Variants in SEC14L5 observed in about 807,000 individuals in gnomAD.
The protein encoded by SEC14L5 is SEC14-like protein 5.
In SEC14L5, 96 loss-of-function variants were observed where a neutral mutation model predicts 84.6. The observed-to-expected ratio is 1.13, with a 90% CI of 0.96 to 1.34. SEC14L5 has a LOEUF of 1.34. SEC14L5 is among the 40% of genes most tolerant of loss of function. The pLI, the probability that SEC14L5 is intolerant of heterozygous loss-of-function variation, is 0.00. For synonymous variants in SEC14L5, 546 were observed against 383.4 expected, an observed-to-expected ratio of 1.42 and a Z score of -4.95; for missense variants, 1,224 against 942.5, an observed-to-expected ratio of 1.30 and a Z score of -3.91.
chr16:4,959,332 A>T lies in SEC14L5; in HGVS notation c.9A>T (p.Gln3His). Residue 3 changes from glutamine to histidine, a missense_variant, in exon 2 of 16, where the codon CAA becomes CAT. By Grantham distance (24) the Gln-to-His change is conservative (BLOSUM62 0). Coordinates refer to ENST00000251170, the MANE Select transcript of SEC14L5 (RefSeq NM_014692.2). ...GGTGCTCCAGCGTGAACATGGTGCA[A>T]AGATACCAGTCTCCTGTCCGAGTCT... is the stretch of plus-strand genomic sequence containing the variant. MV[Q>H]RYQSPVRVYK... is the part of the protein sequence containing the mutation. 1 of 1,613,716 alleles carries T rather than the reference A, an allele frequency of 6.2e-7. No homozygotes were observed. Among genetic ancestry groups the T allele is most frequent in the Non-Finnish European group, 8.5e-7 (1 of 1,179,706 alleles).
intron 6 of SEC14L5, among the ~76,000 whole-genome samples, chr16:4,992,946 A>G (rs1434124976): frequency 6.6e-6 from 1 of 152,086 alleles, no homozygotes; most frequent in East Asian, 1.9e-4. Context: ...TTTTTCACTT[A>G]CTAATGTTGC....
chr16:4,999,266 G>A (rs908095471), intron 8 of SEC14L5, among the ~76,000 whole-genome samples: 3 of 152,172 alleles, frequency 2.0e-5, no homozygotes, highest in Non-Finnish European at 2.9e-5. Context: ...TGCTGGCCGT[G>A]AGTTCAATGC....
chr16:5,012,138 A>G (rs1249881192), intron 15 of SEC14L5, among the ~76,000 whole-genome samples: 2 of 152,162 alleles, frequency 1.3e-5, no homozygotes, highest in African/African-American at 2.4e-5. Flanking sequence ...CAGAGTCTTT[A>G]TCCAAGGAGG....
chr16:4,972,687 A>G (rs1596617012), intron 2 of SEC14L5, among the ~76,000 whole-genome samples: 5 of 152,344 alleles, frequency 3.3e-5, no homozygotes, highest in Admixed American at 3.3e-4. Flanking sequence ...TTAAAGCTGA[A>G]GAATACGTCA....
rs1312134066 is a variant in SEC14L5, at chr16:4,987,786, C to T, written c.213+80C>T. ...GAGGGCTGGGCGCGGGAGCTGGGGACCAGGGCGGCGGGGTCCAGGAGGTGG... is the reference window on the plus strand; with the variant it reads ...GAGGGCTGGGCGCGGGAGCTGGGGATCAGGGCGGCGGGGTCCAGGAGGTGG... On this transcript the variant is annotated intron_variant, in intron 3 of 15. Coordinates refer to ENST00000251170, the MANE Select transcript of SEC14L5 (RefSeq NM_014692.2). 5.3e-6 allele frequency: 6 copies of T among 1,142,614 alleles called. No individual in the cohort carries two copies. The African/African-American group carries it at 6.5e-5, about 12-fold the overall frequency. The allele number at this position is 1,142,614 out of a possible 1,614,324, so 70.8% of individuals were successfully genotyped here.
intron 2 of SEC14L5, among the ~76,000 whole-genome samples, chr16:4,979,776 C>G (rs1407622705): frequency 1.3e-5 from 2 of 152,126 alleles, no homozygotes; most frequent in African/African-American, 4.8e-5. Context: ...AAGCAGCAGA[C>G]AGAACCTGAG....
intron 6 of SEC14L5, among the ~76,000 whole-genome samples, chr16:4,994,546 G>T (rs970901674): frequency 6.6e-6 from 1 of 152,088 alleles, no homozygotes; most frequent in East Asian, 1.9e-4. Context: ...GTTTCACCAT[G>T]TTGGCCATGC....
chr16:4,998,818 C>T (rs886101475), intron 8 of SEC14L5, among the ~76,000 whole-genome samples: 7 of 151,520 alleles, frequency 4.6e-5, no homozygotes, highest in Admixed American at 2.0e-4. Flanking sequence ...CCTAAAGAAC[C>T]GGCTGGCATG....
rs945909533 is a variant in SEC14L5, at chr16:5,007,362, C to T, written c.1448C>T (p.Pro483Leu). The T allele has an allele frequency of 1.2e-6, 2 of 1,613,656 alleles. No individual in the cohort carries two copies. The highest frequency in any genetic ancestry group is 2.7e-5 in the African/African-American group (2 of 74,902). ...ATCTCTGACCTGCAGTGTAATGTCCCCGAAGGAGGGCTGGTCCCCAAGTCC... is the reference window on the plus strand; with the variant it reads ...ATCTCTGACCTGCAGTGTAATGTCCTCGAAGGAGGGCTGGTCCCCAAGTCC... Reference protein sequence around the residue: ...FLGGESVCNVPEGGLVPKSLY... With the variant: ...FLGGESVCNVLEGGLVPKSLY... Residue 483 changes from proline to leucine, a missense_variant, in exon 13 of 16, where the codon CCC becomes CTC. By Grantham distance (98) the Pro-to-Leu change is moderately conservative. Coordinates refer to ENST00000251170, the MANE Select transcript of SEC14L5 (RefSeq NM_014692.2).
intron 11 of SEC14L5, among the ~76,000 whole-genome samples, chr16:5,003,822 C>G (rs953164190): frequency 1.3e-5 from 2 of 152,234 alleles, no homozygotes; most frequent in African/African-American, 4.8e-5. Context: ...AAAAAGAACC[C>G]CCATGCCCAT....
At chr16:4,990,414 TG>T (rs1037899780) in intron 4 of SEC14L5, among the ~76,000 whole-genome samples, 62 of 152,364 alleles carry the variant, frequency 4.1e-4, no homozygotes, top group African/African-American at 1.4e-3. Context: ...TCGCCCACCT[TG>T]GGCTCCCAAA....
chr16:5,004,612 C>T (rs942661690), intron 11 of SEC14L5, among the ~76,000 whole-genome samples: 4 of 152,056 alleles, frequency 2.6e-5, no homozygotes, highest in Non-Finnish European at 5.9e-5. Context: ...TGGGGGTCAG[C>T]CTCAGCCTCC....
At chr16:4,977,272 C>A (rs184597571) in intron 2 of SEC14L5, among the ~76,000 whole-genome samples, 4 of 151,624 alleles carry the variant, frequency 2.6e-5, no homozygotes, top group African/African-American at 7.3e-5. Flanking sequence ...CATGGTGAAA[C>A]CCCATCTCTA....
intron 2 of SEC14L5, among the ~76,000 whole-genome samples, chr16:4,984,862 C>A (rs1035873538): frequency 1.3e-5 from 2 of 152,132 alleles, no homozygotes; most frequent in African/African-American, 4.8e-5. Context: ...CTGTTGAGAT[C>A]TTCTGCCATT....
chr16:4,962,700 A>C (rs1328638554), intron 2 of SEC14L5, among the ~76,000 whole-genome samples: 2 of 151,266 alleles, frequency 1.3e-5, no homozygotes, highest in African/African-American at 2.4e-5. Context: ...AAAAAAAAAA[A>C]AAAAAAAACT....
Position 5,000,513 on chromosome 16 carries a change from G to C in SEC14L5, c.971-142G>C, listed in dbSNP as rs917724652. ...TCAGCCCCTCTTGGAAGCAGGCAGGGTGTTAGTAAGTGAAGGCTGGATCGG... is the reference window on the plus strand; with the variant it reads ...TCAGCCCCTCTTGGAAGCAGGCAGGCTGTTAGTAAGTGAAGGCTGGATCGG... On this transcript the variant is annotated intron_variant, in intron 8 of 15. Coordinates refer to ENST00000251170, the MANE Select transcript of SEC14L5 (RefSeq NM_014692.2). The C allele has an allele frequency of 1.7e-5, 11 of 636,710 alleles. No individual in the cohort carries two copies. In the Admixed American group the frequency reaches 2.5e-4, roughly 15 times the overall value. 39.4% of individuals were successfully genotyped at this position (636,710 alleles called of 1,614,324 possible). A position where few individuals can be genotyped will look rare whatever the true frequency, so the allele number is the denominator to read the frequency against.
chr16:4,958,704 G>T (rs1955083797), intron 1 of SEC14L5, among the ~76,000 whole-genome samples: 1 of 152,174 alleles, frequency 6.6e-6, no homozygotes, highest in Non-Finnish European at 1.5e-5. Flanking sequence ...CTGGGCAGGT[G>T]CGTGTTTCAG....
intron 6 of SEC14L5, 74 bp downstream of exon 6, chr16:4,992,104 G>A (rs1481248569): frequency 9.3e-7 from 1 of 1,073,134 alleles, no homozygotes; most frequent in African/African-American, 1.6e-5. Context: ...GGGGCCCTGG[G>A]GCATGTTGGG....
chr16:4,981,254 GGTT>G (rs775404734), intron 2 of SEC14L5, among the ~76,000 whole-genome samples: 23 of 110,550 alleles, frequency 2.1e-4, no homozygotes, highest in Non-Finnish European at 3.1e-4. Flanking sequence ...CTAGCTAATT[GGTT>G]TTTTTTTTTT....
Sources: allele counts gnomAD v4.1 joint callset (sites outside exome capture counted in the v4.1 genomes callset), GRCh38; gene constraint gnomAD v4.1.1; transcripts MANE v1.5; gene names NCBI Gene and HGNC (gene_info 2026-07-23, HGNC 2026-07-21).